Variants in SERPINA11 observed in about 807,000 individuals in gnomAD.
The protein encoded by SERPINA11 is serpin family A member 11, also known as serpin A11.
Under a neutral mutation model 29.4 loss-of-function variants are expected in SERPINA11, and 28 were observed. That is an observed-to-expected ratio of 0.95 (90% CI 0.70 to 1.30). The LOEUF is 1.30. Among genes scored for constraint, SERPINA11 ranks in the 50% most tolerant of loss-of-function variants. SERPINA11 has a pLI of 0.00. For missense variants in SERPINA11, 530 were observed against 507.3 expected (o/e 1.04, Z -0.43); for synonymous variants, 253 against 206.6 (o/e 1.22, Z -1.92).
At position 94,443,253 on chromosome 14, in the gene SERPINA11, G is replaced by A. The variant is rs770519564; in HGVS notation, c.918-28C>T. On this transcript the variant is annotated intron_variant, in intron 3 of 4. Coordinates refer to ENST00000334708, the MANE Select transcript of SERPINA11 (RefSeq NM_001080451.2). Reference sequence around the variant, plus strand: ...GGAGAGAGAAACAGACAGAGAAATGGTGCTCTCTTGTTAATATGTGCCACT... The same window carrying A: ...GGAGAGAGAAACAGACAGAGAAATGATGCTCTCTTGTTAATATGTGCCACT... The A allele has an allele frequency of 2.1e-5, 34 of 1,601,684 alleles. No individual in the cohort carries two copies. In the Middle Eastern group the frequency reaches 8.3e-4, roughly 39 times the overall value.
intron 3 of SERPINA11, 62 bp downstream of exon 3, chr14:94,446,269 G>A (rs555079739): frequency 2.7e-6 from 4 of 1,477,824 alleles, no homozygotes; most frequent in Non-Finnish European, 3.7e-6. Context: ...AGCTGGAGTT[G>A]ATCAAGACCT....
intron 1 of SERPINA11, among the ~76,000 whole-genome samples, chr14:94,449,289 T>C (rs543989596): frequency 2.0e-5 from 3 of 152,266 alleles, no homozygotes; most frequent in East Asian, 1.9e-4. Flanking sequence ...TGAGCTGTGA[T>C]TGTACCACTG....
At chr14:94,451,629 T>A (rs955007973) in intron 1 of SERPINA11, among the ~76,000 whole-genome samples, 4 of 152,206 alleles carry the variant, frequency 2.6e-5, no homozygotes, top group African/African-American at 9.6e-5. Context: ...GATTCAATTG[T>A]AAATGAGGGG....
rs530296041 is a variant in SERPINA11, at chr14:94,447,825, C to T, written c.643+307G>A. 4.9e-4 allele frequency among the ~76,000 whole-genome samples: 75 copies of T among 152,336 alleles called. 1 individual carries two copies. Among genetic ancestry groups the T allele is most frequent in the African/African-American group, 1.8e-3 (74 of 41,582 alleles). ...CCAAGCTTCTTCACCTGAGTGGATA[C>T]TACTCACTCTCATGTCTTAGCTTGG... On this transcript the variant is annotated intron_variant, in intron 2 of 4. Transcript: ENST00000334708.
intron 3 of SERPINA11, 115 bp downstream of exon 3, chr14:94,446,216 G>T: frequency 2.0e-6 from 2 of 1,018,210 alleles, no homozygotes; most frequent in African/African-American, 1.6e-5. Flanking sequence ...GTTAGTAAAG[G>T]ACAAGATGGT....
At chr14:94,445,817 TC>T (rs1898425289) in intron 3 of SERPINA11, among the ~76,000 whole-genome samples, 1 of 152,138 alleles carries the variant, frequency 6.6e-6, no homozygotes, top group African/African-American at 2.4e-5. Flanking sequence ...CCTCAAGTAA[TC>T]CTCTCACCTT....
chr14:94,445,654 A>G (rs1898420882), intron 3 of SERPINA11, among the ~76,000 whole-genome samples: 1 of 152,202 alleles, frequency 6.6e-6, no homozygotes, highest in Non-Finnish European at 1.5e-5. Context: ...CTGTAACCTC[A>G]AATTCCTGGG....
At chr14:94,449,401 T>C (rs527323271) in intron 1 of SERPINA11, among the ~76,000 whole-genome samples, 31 of 41,496 alleles carry the variant, frequency 7.5e-4, no homozygotes, top group African/African-American at 2.7e-3. Context: ...TCTTTCTTTC[T>C]TTCTATTCTT....
At position 94,449,473 on chromosome 14, in the gene SERPINA11, C is replaced by CT. The variant is rs1255714512; in HGVS notation, c.-3-697dup. Reference sequence around the variant, plus strand: ...TCTTTCTTTCTTTCTTTCTTTCTTTCTTTCTTTCTGTCTGTCTGTCTTTCT... The same window carrying CT: ...TCTTTCTTTCTTTCTTTCTTTCTTTCTTTTCTTTCTGTCTGTCTGTCTTTCT... On this transcript the variant is annotated intron_variant, in intron 1 of 4. Coordinates refer to ENST00000334708, the MANE Select transcript of SERPINA11 (RefSeq NM_001080451.2). Among the ~76,000 whole-genome samples, 4 of 114,342 alleles carry CT rather than the reference C, an allele frequency of 3.5e-5. 1 individual carries two copies. The highest frequency in any genetic ancestry group is 8.9e-5 in the Admixed American group (1 of 11,282). The allele number at this position is 114,342 out of a possible 152,430, so 75.0% of individuals were successfully genotyped here.
chr14:94,450,912 A>G lies in SERPINA11; in HGVS notation c.-4+1817T>C, dbSNP rs570211192. 3.3e-5 allele frequency among the ~76,000 whole-genome samples: 5 copies of G among 152,152 alleles called. No individual in the cohort carries two copies. The South Asian group carries it at 1.0e-3, about 32-fold the overall frequency. On this transcript the variant is annotated intron_variant, in intron 1 of 4. Transcript: ENST00000334708. ...CCTACACCCATCTTCAGGTTCTTGC[A>G]GAAGACTCATGACCACATTGCTACT...
intron 3 of SERPINA11, 39 bp from the exon 4 acceptor site, chr14:94,443,264 T>C: frequency 6.3e-7 from 1 of 1,594,024 alleles, no homozygotes; most frequent in South Asian, 1.2e-5. Context: ...TGCTCTCTTG[T>C]TAATATGTGC....
intron 1 of SERPINA11, among the ~76,000 whole-genome samples, chr14:94,450,912 A>C (rs570211192): frequency 6.6e-6 from 1 of 152,034 alleles, no homozygotes; most frequent in East Asian, 1.9e-4. Flanking sequence ...AGGTTCTTGC[A>C]GAAGACTCAT....
chr14:94,446,716 T>C, intron 2 of SERPINA11, 112 bp from the exon 3 acceptor site: 1 of 1,073,342 alleles, frequency 9.3e-7, no homozygotes, highest in Non-Finnish European at 1.4e-6. Flanking sequence ...TGGCAAAAAA[T>C]GTGGAATGGT....
In SERPINA11 at chr14:94,442,705, T is replaced by G; in HGVS notation, c.1170A>C (p.Pro390=). The change falls in exon 5 of 5, where the codon CCA becomes CCC. Residue 390 remains proline, a synonymous_variant. Coordinates refer to ENST00000334708, the MANE Select transcript of SERPINA11 (RefSeq NM_001080451.2). ...QPPSLNTMSD[P]HAHFNRPFLL... Reference sequence around the variant, plus strand: ...GGAAAGGCCTGTTGAAGTGGGCATGTGGGTCTGACATGGTGTTCAGAGATG... The same window carrying G: ...GGAAAGGCCTGTTGAAGTGGGCATGGGGGTCTGACATGGTGTTCAGAGATG... The G allele has an allele frequency of 1.2e-6, 2 of 1,613,712 alleles. No individual in the cohort carries two copies. The highest frequency in any genetic ancestry group is 1.7e-6 in the Non-Finnish European group (2 of 1,179,846).
intron 3 of SERPINA11, 119 bp from the exon 4 acceptor site, chr14:94,443,344 G>A: frequency 1.1e-6 from 1 of 913,962 alleles, no homozygotes; most frequent in African/African-American, 1.7e-5. Context: ...GAAGCAACCA[G>A]TCTTCCCATG....
intron 3 of SERPINA11, among the ~76,000 whole-genome samples, chr14:94,444,114 C>A (rs1298501061): frequency 6.6e-6 from 1 of 152,102 alleles, no homozygotes; most frequent in Admixed American, 6.5e-5. Flanking sequence ...GGCTATTTGA[C>A]AAGTTTCCCA....
rs755107570 is a variant in SERPINA11, at chr14:94,442,795, C to T, written c.1080G>A (p.Ala360=). The T allele has an allele frequency of 1.8e-5, 29 of 1,607,376 alleles. No individual in the cohort carries two copies. The highest frequency in any genetic ancestry group is 4.0e-4 in the Middle Eastern group (2 of 5,052). ...TCCCCTTCTCACTCATGTCCACCAT[C>T]GCCTTGTGTGACACCTAGAGGACAA... ...NKTISKVSHK[A]MVDMSEKGTE... The change falls in exon 5 of 5, where the codon GCG becomes GCA. Residue 360 remains alanine (A), a synonymous_variant. Coordinates refer to ENST00000334708, the MANE Select transcript of SERPINA11 (RefSeq NM_001080451.2).
At chr14:94,449,477 C>CT (rs1566784748) in intron 1 of SERPINA11, among the ~76,000 whole-genome samples, 1 of 105,550 alleles carries the variant, frequency 9.5e-6, no homozygotes, top group African/African-American at 5.2e-5. Context: ...TTCTTTCTTT[C>CT]TTTCTGTCTG....
chr14:94,447,282 T>C (rs1427094371), intron 2 of SERPINA11, among the ~76,000 whole-genome samples: 1 of 152,248 alleles, frequency 6.6e-6, no homozygotes, highest in Non-Finnish European at 1.5e-5. Flanking sequence ...TTACTTCTTA[T>C]AAATCTGTCC....
Sources: allele counts gnomAD v4.1 joint callset (sites outside exome capture counted in the v4.1 genomes callset), GRCh38; gene constraint gnomAD v4.1.1; transcripts MANE v1.5; gene names NCBI Gene and HGNC (gene_info 2026-07-23, HGNC 2026-07-21).